Variants in EFNA5 observed in about 807,000 individuals in gnomAD.
The protein encoded by EFNA5 is ephrin-A5.
EFNA5 carries 5 observed loss-of-function variants against 22.9 expected under a neutral mutation model. That is an observed-to-expected ratio of 0.22 (90% CI 0.11 to 0.46). The LOEUF is 0.46. EFNA5 is among the 20% of genes least tolerant of loss of function. The pLI, the probability that EFNA5 is intolerant of heterozygous loss-of-function variation, is 0.99. For synonymous variants in EFNA5, 113 were observed against 112.2 expected (o/e 1.01, Z -0.04); for missense variants, 237 against 293.3 (o/e 0.81, Z 1.40).
At chr5:107,630,589 A>G (rs1750230286) in intron 1 of EFNA5, among the ~76,000 whole-genome samples, 1 of 146,778 alleles carries the variant, frequency 6.8e-6, no homozygotes, top group African/African-American at 2.5e-5. Flanking sequence ...TCGGTGAGTG[A>G]GTGGTGACTG....
At chr5:107,555,402 G>T (rs776003413) in intron 1 of EFNA5, among the ~76,000 whole-genome samples, 1 of 152,172 alleles carries the variant, frequency 6.6e-6, no homozygotes, top group Non-Finnish European at 1.5e-5. Context: ...ATGCCATTTT[G>T]TGTACAGGAG....
At chr5:107,503,695 G>T (rs1431460334) in intron 1 of EFNA5, among the ~76,000 whole-genome samples, 1 of 152,088 alleles carries the variant, frequency 6.6e-6, no homozygotes, top group African/African-American at 2.4e-5. Context: ...AAGAGATAAG[G>T]TCTTAAGGAT....
chr5:107,390,416 C>A (rs1334888488), intron 2 of EFNA5, among the ~76,000 whole-genome samples: 1 of 151,972 alleles, frequency 6.6e-6, no homozygotes, highest in African/African-American at 2.4e-5. Flanking sequence ...CACAAGTAAA[C>A]AAAAGGCAGA....
intron 2 of EFNA5, 150 bp downstream of exon 2, chr5:107,427,067 C>T: frequency 2.5e-6 from 2 of 799,866 alleles, no homozygotes; most frequent in South Asian, 3.4e-5. Flanking sequence ...CAATTCCCAG[C>T]TAATGTATCT....
intron 1 of EFNA5, among the ~76,000 whole-genome samples, chr5:107,644,908 T>A (rs1424159739): frequency 6.6e-6 from 1 of 152,056 alleles, no homozygotes; most frequent in Non-Finnish European, 1.5e-5. Flanking sequence ...TCCAGGTTGG[T>A]CAGGCCGGTC....
intron 1 of EFNA5, among the ~76,000 whole-genome samples, chr5:107,475,910 A>G (rs116100081): frequency 0.011 from 1,702 of 150,950 alleles, 35 homozygotes; most frequent in African/African-American, 0.04. Flanking sequence ...AAATGCTAAT[A>G]TCAAAATATT....
chr5:107,527,290 CTT>C (rs56960843), intron 1 of EFNA5, among the ~76,000 whole-genome samples: 2 of 142,394 alleles, frequency 1.4e-5, no homozygotes, highest in Non-Finnish European at 1.5e-5. Flanking sequence ...TTTCTTTTTT[CTT>C]TTTTTTTTTT....
At chr5:107,495,337 G>C (rs1339644963) in intron 1 of EFNA5, among the ~76,000 whole-genome samples, 1 of 152,104 alleles carries the variant, frequency 6.6e-6, no homozygotes, top group East Asian at 1.9e-4. Context: ...AAGGTCTGCA[G>C]CTTCACTCCT....
At position 107,387,310 on chromosome 5, in the gene EFNA5, A is replaced by C; in HGVS notation, c.490T>G (p.Cys164Gly). 1 of 1,592,836 alleles carries C rather than the reference A, an allele frequency of 6.3e-7. No homozygotes were observed. The highest frequency in any genetic ancestry group is 1.1e-5 in the South Asian group (1 of 87,448). Residue 164 changes from cysteine (C) to glycine (G), a missense_variant, in exon 4 of 5, where the codon TGT becomes GGT. Physicochemically the swap from Cys to Gly is radical, Grantham distance 159. Coordinates refer to ENST00000333274, the MANE Select transcript of EFNA5 (RefSeq NM_001962.3). ...LKVFVRPTNS[C>G]MKTIGVHDRV... ...TCATGAACACCTATAGTTTTCATAC[A>C]GCTATCTATAACAAAAATAGAGATA...
intron 1 of EFNA5, among the ~76,000 whole-genome samples, chr5:107,658,352 A>G (rs1471831549): frequency 2.0e-5 from 3 of 152,146 alleles, no homozygotes; most frequent in Non-Finnish European, 4.4e-5. Flanking sequence ...AACTTTTTGG[A>G]CCAAGGTAGT....
At chr5:107,565,306 T>C (rs975977049) in intron 1 of EFNA5, among the ~76,000 whole-genome samples, 2 of 152,248 alleles carry the variant, frequency 1.3e-5, no homozygotes, top group African/African-American at 4.8e-5. Context: ...CGCATAGCTA[T>C]GCTATGTGAC....
intron 1 of EFNA5, among the ~76,000 whole-genome samples, chr5:107,604,067 T>C (rs1332751732): frequency 6.6e-6 from 1 of 152,240 alleles, no homozygotes; most frequent in African/African-American, 2.4e-5. Flanking sequence ...TTCTCAAATC[T>C]TTGGGGACGT....
At chr5:107,452,898 A>C (rs1410468254) in intron 1 of EFNA5, among the ~76,000 whole-genome samples, 1 of 152,180 alleles carries the variant, frequency 6.6e-6, no homozygotes, top group Non-Finnish European at 1.5e-5. Flanking sequence ...AAAACACAAA[A>C]TATTTCAGTA....
intron 2 of EFNA5, among the ~76,000 whole-genome samples, chr5:107,402,747 C>T (rs112290756): frequency 1.3e-5 from 2 of 152,216 alleles, no homozygotes; most frequent in Non-Finnish European, 1.5e-5. Flanking sequence ...GCTGCCTCTT[C>T]GGAGATAATT....
At chr5:107,587,947 A>G (rs901058236) in intron 1 of EFNA5, among the ~76,000 whole-genome samples, 13 of 152,318 alleles carry the variant, frequency 8.5e-5, no homozygotes, top group Middle Eastern at 3.4e-3. Context: ...TAAAGCAACA[A>G]CTACAGGCTC....
chr5:107,446,782 T>G (rs1464902564), intron 1 of EFNA5, among the ~76,000 whole-genome samples: 1 of 151,652 alleles, frequency 6.6e-6, no homozygotes, highest in East Asian at 1.9e-4. Context: ...AATAAAAACT[T>G]CAGAAAATGG....
chr5:107,381,942 G>A (rs1375474505), intron 4 of EFNA5, among the ~76,000 whole-genome samples: 1 of 152,186 alleles, frequency 6.6e-6, no homozygotes, highest in Non-Finnish European at 1.5e-5. Flanking sequence ...ATCATGCCTA[G>A]TAAACTTCAA....
intron 1 of EFNA5, among the ~76,000 whole-genome samples, chr5:107,447,707 G>A (rs1170097883): frequency 6.6e-6 from 1 of 152,194 alleles, no homozygotes; most frequent in African/African-American, 2.4e-5. Flanking sequence ...GGGCTTCTCA[G>A]GCAAGGCAAA....
At chr5:107,605,927 G>A (rs1482978614) in intron 1 of EFNA5, among the ~76,000 whole-genome samples, 1 of 152,154 alleles carries the variant, frequency 6.6e-6, no homozygotes, top group Admixed American at 6.5e-5. Context: ...CCAGGGGATG[G>A]AGTATCACTC....
Sources: gnomAD v4.1 joint callset for allele counts (sites outside exome capture counted in the v4.1 genomes callset) on GRCh38, gnomAD v4.1.1 for gene constraint, MANE v1.5 for transcripts, NCBI Gene and HGNC (gene_info 2026-07-23, HGNC 2026-07-21) for gene names.